The following NCOR2 variants were observed in gnomAD, a reference collection of about 807,000 sequenced individuals.
The protein encoded by NCOR2 is CTG repeat protein 26.
A neutral mutation model predicts 262.9 loss-of-function variants in NCOR2; 81 were observed. That is an observed-to-expected ratio of 0.31 (90% CI 0.26 to 0.37). The LOEUF (loss-of-function observed/expected upper bound fraction) is 0.37. NCOR2 is among the 10% of genes least tolerant of loss of function. NCOR2 has a pLI of 1.00. For synonymous variants in NCOR2, 1,659 were observed against 1,559.3 expected, an observed-to-expected ratio of 1.06 and a Z score of -1.51; for missense variants, 3,385 against 3,621.4, an observed-to-expected ratio of 0.93 and a Z score of 1.68.
exon 36 of NCOR2, chr12:124,340,357 C>T: frequency 6.2e-7 from 1 of 1,613,048 alleles, no homozygotes; most frequent in Non-Finnish European, 8.5e-7. Flanking sequence ...TTTTCCCGCT[C>T]CCGATCCCGG....
chr12:124,434,354 C>T (rs1024543568), intron 8 of NCOR2, among the ~76,000 whole-genome samples: 2 of 152,166 alleles, frequency 1.3e-5, no homozygotes, highest in Admixed American at 6.5e-5. Flanking sequence ...CCATCCCAAT[C>T]GCCACCGCAG....
At chr12:124,508,664 C>T (rs984759605) in intron 1 of NCOR2, among the ~76,000 whole-genome samples, 7 of 152,192 alleles carry the variant, frequency 4.6e-5, no homozygotes, top group Admixed American at 6.5e-5. Flanking sequence ...CCACGTGGGG[C>T]AGGGGGTCCA....
intron 5 of NCOR2, among the ~76,000 whole-genome samples, chr12:124,458,055 G>GTC (rs1473472663): frequency 4.6e-5 from 7 of 152,244 alleles, no homozygotes; most frequent in Admixed American, 4.6e-4. Context: ...GCAAATGGGT[G>GTC]TTCACAGGCT....
intron 1 of NCOR2, among the ~76,000 whole-genome samples, chr12:124,547,946 TAAC>T (rs2051591699): frequency 6.6e-6 from 1 of 152,340 alleles, no homozygotes; most frequent in South Asian, 2.1e-4. Flanking sequence ...TTCATATATA[TAAC>T]AACATATATA....
intron 11 of NCOR2, among the ~76,000 whole-genome samples, chr12:124,425,608 C>G (rs1341303650): frequency 6.6e-6 from 1 of 152,102 alleles, no homozygotes; most frequent in Non-Finnish European, 1.5e-5. Context: ...GGACCCCGGG[C>G]CAGGGATGGA....
intron 3 of NCOR2, among the ~76,000 whole-genome samples, chr12:124,475,552 T>C (rs756911581): frequency 9.8e-5 from 15 of 152,348 alleles, no homozygotes; most frequent in Admixed American, 5.9e-4. Flanking sequence ...ACCCCTGCCA[T>C]TGTATTGCAA....
intron 44 of NCOR2, 84 bp downstream of exon 46, chr12:124,330,761 C>T (rs1480007710): frequency 4.2e-6 from 6 of 1,435,612 alleles, no homozygotes; most frequent in South Asian, 1.2e-5. Flanking sequence ...GAAGGCTCCT[C>T]GTCCCTTCAT....
chr12:124,326,470 C>T (rs2034652459), intron 45 of NCOR2, 100 bp from the exon 48 acceptor site: 3 of 1,191,170 alleles, frequency 2.5e-6, no homozygotes, highest in South Asian at 2.1e-5. Flanking sequence ...TGCCATGGGC[C>T]CTCCAAAGAG....
Position 124,566,948 on chromosome 12 carries a change from G to A in NCOR2, c.-165+360C>T, listed in dbSNP as rs1287192264. ...CGCAGTGTCGCCCCGCCAGGTCCGG[G>A]GCTACACCGGGTACAAGGGACGCCT... On this transcript the variant is annotated intron_variant, in intron 1 of 32. Coordinates refer to the NCOR2 transcript ENST00000458234. This position sits in a 1 kb window ranked among gnomAD's most constrained non-coding sequence, Gnocchi z 4.3. Among the ~76,000 whole-genome samples the A allele has an allele frequency of 2.6e-5, 4 of 152,172 alleles. No homozygotes were observed. The highest frequency in any genetic ancestry group is 6.5e-5 in the Admixed American group (1 of 15,286).
chr12:124,324,494 G>A (rs187580933), exon 47 of NCOR2: 18 of 152,406 alleles, frequency 1.2e-4, no homozygotes, highest in Admixed American at 1.2e-3. Flanking sequence ...GGCGGCCACA[G>A]AATACGCATC....
intron 7 of NCOR2, among the ~76,000 whole-genome samples, chr12:124,439,257 AG>A (rs2044648485): frequency 1.6e-3 from 13 of 8,270 alleles, no homozygotes; most frequent in East Asian, 9.9e-3. Context: ...CCAGAGAGAG[AG>A]AGATGGAGAC....
rs977066075 is a variant in NCOR2 at position 124,503,621 on chromosome 12, T to C, written c.-117-8253A>G. On this transcript the variant is annotated intron_variant, in intron 1 of 46. Coordinates refer to the NCOR2 transcript ENST00000404621. The surrounding 1 kb of genome is among the most constrained non-coding windows in gnomAD (Gnocchi z 4.3). ...ATGGATGGACGGACGGACGGATGGATGGATGGATGGATGGGCGAATGGATG... is the reference window on the plus strand; with the variant it reads ...ATGGATGGACGGACGGACGGATGGACGGATGGATGGATGGGCGAATGGATG... Among the ~76,000 whole-genome samples the C allele has an allele frequency of 3.6e-5, 5 of 138,346 alleles. No homozygotes were observed. Among genetic ancestry groups the C allele is most frequent in the African/African-American group, 1.1e-4 (4 of 37,550 alleles). The allele number at this position is 138,346 out of a possible 152,430, so 90.8% of individuals were successfully genotyped here. A position where few individuals can be genotyped will look rare whatever the true frequency, so the allele number is the denominator to read the frequency against.
chr12:124,439,997 C>T (rs189213195), intron 7 of NCOR2, among the ~76,000 whole-genome samples: 1 of 152,018 alleles, frequency 6.6e-6, no homozygotes, highest in East Asian at 1.9e-4. Flanking sequence ...CCAGGACCGT[C>T]CTCTTCTCTT....
intron 11 of NCOR2, among the ~76,000 whole-genome samples, chr12:124,425,668 G>C (rs1326902873): frequency 1.3e-5 from 2 of 152,136 alleles, no homozygotes; most frequent in East Asian, 1.9e-4. Flanking sequence ...TGTGGGGTTT[G>C]GCCCCCTCAG....
chr12:124,333,990 ATGTG>A (rs373456001), intron 41 of NCOR2, among the ~76,000 whole-genome samples: 1,612 of 148,824 alleles, frequency 0.011, 16 homozygotes, highest in Middle Eastern at 0.038. Context: ...GCGGGTGTGC[ATGTG>A]TGTGTGTGCG....
At chr12:124,491,353 C>A (rs1279827370) in intron 1 of NCOR2, among the ~76,000 whole-genome samples, 1 of 152,234 alleles carries the variant, frequency 6.6e-6, no homozygotes, top group Non-Finnish European at 1.5e-5. Context: ...CTAATTGGAT[C>A]CTCACAATCT....
intron 37 of NCOR2, among the ~76,000 whole-genome samples, chr12:124,339,342 A>T (rs2036205659): frequency 7.4e-6 from 1 of 134,932 alleles, no homozygotes; most frequent in Admixed American, 7.4e-5. Context: ...CATCTGGCTA[A>T]CTCAGTCATT....
intron 1 of NCOR2, among the ~76,000 whole-genome samples, chr12:124,494,232 C>CAA (rs2048254751): frequency 1.3e-5 from 2 of 152,164 alleles, no homozygotes; most frequent in South Asian, 4.1e-4. Context: ...CACACACACA[C>CAA]ACGCACACAC....
At chr12:124,404,259 G>T (rs1201809529) in intron 13 of NCOR2, among the ~76,000 whole-genome samples, 1 of 152,180 alleles carries the variant, frequency 6.6e-6, no homozygotes, top group Non-Finnish European at 1.5e-5. Flanking sequence ...CCCCTGGGCT[G>T]CCCGGCATGG....
Sources: gnomAD v4.1 joint callset for allele counts (sites outside exome capture counted in the v4.1 genomes callset) on GRCh38, gnomAD v4.1.1 for gene constraint, Gnocchi (gnomAD v3.1) non-coding constraint, MANE v1.5 for transcripts, NCBI Gene and HGNC (gene_info 2026-07-23, HGNC 2026-07-21) for gene names.